ART3: variants seen among roughly 807,000 people sequenced by gnomAD.
ART3 encodes the protein ecto-ADP-ribosyltransferase 3.
A neutral mutation model predicts 48.5 loss-of-function variants in ART3; 49 were observed. That is an observed-to-expected ratio of 1.01 (90% CI 0.80 to 1.28). The LOEUF (loss-of-function observed/expected upper bound fraction) is 1.28, where lower values mean the gene tolerates loss of function less well. Ranked by LOEUF, ART3 falls within the 50% of genes most tolerant of loss-of-function variation. ART3 has a pLI of 0.00. For missense variants in ART3, 438 were observed against 454.3 expected (o/e 0.96, Z 0.33); for synonymous variants, 145 against 157.2 (o/e 0.92, Z 0.58).
At chr4:76,077,036 A>G (rs1286099721) in intron 2 of ART3, among the ~76,000 whole-genome samples, 1 of 152,186 alleles carries the variant, frequency 6.6e-6, no homozygotes, top group Non-Finnish European at 1.5e-5. Flanking sequence ...AATATAATTT[A>G]CATACCATAA....
chr4:76,062,552 A>C (rs538739268), intron 1 of ART3, among the ~76,000 whole-genome samples: 1 of 143,834 alleles, frequency 7.0e-6, no homozygotes, highest in East Asian at 2.1e-4. Flanking sequence ...GTGAAAGAAA[A>C]ATAAATCTTT....
intron 1 of ART3, among the ~76,000 whole-genome samples, chr4:76,075,548 G>C (rs1720861009): frequency 6.6e-6 from 1 of 152,184 alleles, no homozygotes; most frequent in South Asian, 2.1e-4. Flanking sequence ...GCTGAGGGGA[G>C]ATTTAGAGAT....
At chr4:76,100,688 G>C in intron 6 of ART3, 107 bp from the exon 7 acceptor site, 3 of 1,301,758 alleles carry the variant, frequency 2.3e-6, no homozygotes, top group Non-Finnish European at 3.2e-6. Context: ...TCCCTTTACA[G>C]GTGGGAATAT....
chr4:76,096,498 TGAA>T (rs1726042547), intron 3 of ART3, among the ~76,000 whole-genome samples: 1 of 152,232 alleles, frequency 6.6e-6, no homozygotes, highest in Non-Finnish European at 1.5e-5. Flanking sequence ...CTCAGGTAGC[TGAA>T]CTTCCAGATT....
rs572402978 is a variant in ART3 at position 76,101,446 on chromosome 4, C to G, written c.937+427C>G. Among the ~76,000 whole-genome samples, 10 of 152,302 alleles carry G rather than the reference C, an allele frequency of 6.6e-5. No homozygotes were observed. In the South Asian group the frequency reaches 1.9e-3, roughly 28 times the overall value. On this transcript the variant is annotated intron_variant, in intron 8 of 11. Transcript: ENST00000355810. The stretch of plus-strand genomic sequence containing the variant: ...GTACATTCCAAGTGTAACTTATCCT[C>G]AAGTATTTGTTTTTGTTTTATTTTT...
chr4:76,086,330 A>G (rs1031516083), intron 3 of ART3, among the ~76,000 whole-genome samples: 2 of 152,138 alleles, frequency 1.3e-5, no homozygotes, highest in African/African-American at 4.8e-5. Context: ...TTGCCACAAC[A>G]TGGATGGACC....
chr4:76,065,034 G>C (rs976981568), intron 1 of ART3, among the ~76,000 whole-genome samples: 3 of 152,078 alleles, frequency 2.0e-5, no homozygotes, highest in African/African-American at 7.2e-5. Context: ...GTTTCACCAT[G>C]TTGGCCAGGC....
chr4:76,095,457 G>T (rs1339475357), intron 3 of ART3, among the ~76,000 whole-genome samples: 1 of 152,152 alleles, frequency 6.6e-6, no homozygotes, highest in Non-Finnish European at 1.5e-5. Context: ...GCAGTGAGCC[G>T]AGATCGTGCC....
chr4:76,067,331 A>G (rs1163321233), intron 1 of ART3, among the ~76,000 whole-genome samples: 1 of 152,228 alleles, frequency 6.6e-6, no homozygotes, highest in Admixed American at 6.5e-5. Flanking sequence ...GATGCCCGCC[A>G]AGGGCAAAGG....
At chr4:76,034,985 T>G (rs1053312714) in intron 1 of ART3, 119 of 1,505,294 alleles carry the variant, frequency 7.9e-5, no homozygotes, top group Non-Finnish European at 1.0e-4. Flanking sequence ...CATTATTTTC[T>G]TTTTCAAAAG....
At chr4:76,098,193 A>T (rs1726438523) in intron 4 of ART3, among the ~76,000 whole-genome samples, 1 of 128,190 alleles carries the variant, frequency 7.8e-6, no homozygotes, top group Non-Finnish European at 1.6e-5. Context: ...AAATAAGAGG[A>T]TGTGACCAAA....
chr4:76,098,230 G>T (rs1464491875), intron 4 of ART3, among the ~76,000 whole-genome samples: 1 of 151,610 alleles, frequency 6.6e-6, no homozygotes, highest in Non-Finnish European at 1.5e-5. Context: ...TTTCTTAGAG[G>T]ACTATGGGAA....
intron 1 of ART3, among the ~76,000 whole-genome samples, chr4:76,068,670 A>G (rs1465307859): frequency 3.3e-5 from 5 of 152,168 alleles, no homozygotes; most frequent in Admixed American, 1.3e-4. Flanking sequence ...GATAAAAAAA[A>G]AAATAACTGT....
At chr4:76,092,942 A>G (rs1477498404) in intron 3 of ART3, among the ~76,000 whole-genome samples, 1 of 152,220 alleles carries the variant, frequency 6.6e-6, no homozygotes, top group African/African-American at 2.4e-5. Context: ...ATCTAGATTT[A>G]TTATCATAAA....
chr4:76,056,529 G>A (rs1157408076), intron 1 of ART3, among the ~76,000 whole-genome samples: 1 of 152,106 alleles, frequency 6.6e-6, no homozygotes, highest in African/African-American at 2.4e-5. Flanking sequence ...AGGGGGCAGC[G>A]GGCCTGGAAA....
At chr4:76,079,505 A>C (rs1483207685) in intron 2 of ART3, among the ~76,000 whole-genome samples, 1 of 152,188 alleles carries the variant, frequency 6.6e-6, no homozygotes, top group Non-Finnish European at 1.5e-5. Flanking sequence ...AGGATAGATC[A>C]GATATATTTA....
At chr4:76,089,768 T>G (rs1432284332) in intron 3 of ART3, among the ~76,000 whole-genome samples, 1 of 152,134 alleles carries the variant, frequency 6.6e-6, no homozygotes, top group African/African-American at 2.4e-5. Flanking sequence ...AGCCTGGCTG[T>G]GTTTTTCTTG....
chr4:76,110,205 C>T (rs987321952), intron 11 of ART3, among the ~76,000 whole-genome samples: 10 of 151,860 alleles, frequency 6.6e-5, no homozygotes, highest in African/African-American at 2.2e-4. Flanking sequence ...AACTGTGGAT[C>T]GAAAATATTT....
intron 1 of ART3, among the ~76,000 whole-genome samples, chr4:76,031,988 A>C (rs867140391): frequency 3.9e-5 from 6 of 152,194 alleles, no homozygotes; most frequent in Non-Finnish European, 8.8e-5. Context: ...GACCTAAGCA[A>C]TTAGTAGGCA....
Sources: allele counts gnomAD v4.1 joint callset (sites outside exome capture counted in the v4.1 genomes callset), GRCh38; gene constraint gnomAD v4.1.1; transcripts MANE v1.5; gene names NCBI Gene and HGNC (gene_info 2026-07-23, HGNC 2026-07-21).